The following GPC5 variants were observed in gnomAD, a reference collection of about 807,000 sequenced individuals.
GPC5 encodes the protein glypican 5.
In GPC5, 47 loss-of-function variants were observed where a neutral mutation model predicts 53.9. That is an observed-to-expected ratio of 0.87 (90% CI 0.69 to 1.11). The LOEUF (loss-of-function observed/expected upper bound fraction) is 1.11. Ranked by LOEUF, GPC5 falls within the 50% of genes most tolerant of loss-of-function variation. The pLI is 0.00. For missense variants in GPC5, 748 were observed against 713.1 expected, an observed-to-expected ratio of 1.05 and a Z score of -0.56; for synonymous variants, 286 against 263.3, an observed-to-expected ratio of 1.09 and a Z score of -0.84.
At chr13:91,786,766 T>C (rs1392573680) in intron 5 of GPC5, among the ~76,000 whole-genome samples, 2 of 152,202 alleles carry the variant, frequency 1.3e-5, no homozygotes, top group African/African-American at 4.8e-5. Context: ...CATTTGTTTT[T>C]ACATTTGATT....
At chr13:91,751,648 C>G (rs767349163) in intron 4 of GPC5, among the ~76,000 whole-genome samples, 1 of 152,166 alleles carries the variant, frequency 6.6e-6, no homozygotes, top group Non-Finnish European at 1.5e-5. Context: ...GTCCGATGAC[C>G]AAAGCCAACT....
intron 7 of GPC5, among the ~76,000 whole-genome samples, chr13:92,610,030 CAA>C (rs56913637): frequency 0.094 from 6,558 of 70,126 alleles, 217 homozygotes; most frequent in African/African-American, 0.29. Context: ...GACTCCATCT[CAA>C]AAAAAAAAAA....
intron 7 of GPC5, among the ~76,000 whole-genome samples, chr13:92,576,979 A>G (rs1258022906): frequency 6.6e-6 from 1 of 152,176 alleles, no homozygotes; most frequent in East Asian, 1.9e-4. Flanking sequence ...TAAAAAATTG[A>G]AGTGATGTAA....
At chr13:92,430,877 A>G (rs973974300) in intron 7 of GPC5, among the ~76,000 whole-genome samples, 3 of 152,030 alleles carry the variant, frequency 2.0e-5, no homozygotes, top group African/African-American at 7.2e-5. Flanking sequence ...AAAGCTTTAC[A>G]TTTGTTTTTT....
chr13:92,695,552 C>T (rs1887533419), intron 7 of GPC5, among the ~76,000 whole-genome samples: 2 of 151,884 alleles, frequency 1.3e-5, no homozygotes, highest in Non-Finnish European at 2.9e-5. Context: ...CTCTCCAATA[C>T]TATGCCCAGA....
intron 7 of GPC5, among the ~76,000 whole-genome samples, chr13:92,654,887 A>T (rs1393622453): frequency 2.0e-5 from 3 of 152,206 alleles, no homozygotes; most frequent in Non-Finnish European, 1.5e-5. Flanking sequence ...TGGATTGCTA[A>T]AGATCTGAAA....
intron 1 of GPC5, among the ~76,000 whole-genome samples, chr13:91,406,227 A>C (rs1379645738): frequency 6.6e-6 from 1 of 152,230 alleles, no homozygotes; most frequent in Non-Finnish European, 1.5e-5. Flanking sequence ...ATTGTTGAAT[A>C]ATTTAATAAA....
chr13:91,843,428 A>C (rs942140241), intron 5 of GPC5, among the ~76,000 whole-genome samples: 1 of 152,214 alleles, frequency 6.6e-6, no homozygotes, highest in Non-Finnish European at 1.5e-5. Context: ...GAAGAGGGAC[A>C]AACATGAACA....
At chr13:92,456,568 A>G (rs1878275873) in intron 7 of GPC5, among the ~76,000 whole-genome samples, 1 of 152,162 alleles carries the variant, frequency 6.6e-6, no homozygotes, top group Non-Finnish European at 1.5e-5. Flanking sequence ...GTTCAACACT[A>G]CTAAGAATTT....
intron 6 of GPC5, among the ~76,000 whole-genome samples, chr13:92,011,432 G>T (rs1227118459): frequency 6.6e-6 from 1 of 152,130 alleles, no homozygotes; most frequent in East Asian, 1.9e-4. Flanking sequence ...AAATATGATG[G>T]AACATAAATA....
At chr13:92,035,180 A>G (rs2138814543) in intron 6 of GPC5, among the ~76,000 whole-genome samples, 1 of 139,922 alleles carries the variant, frequency 7.1e-6, no homozygotes, top group African/African-American at 2.7e-5. Context: ...GCGCCACTAC[A>G]CTCCAGCCTG....
At chr13:92,062,924 C>T (rs1414340311) in intron 6 of GPC5, among the ~76,000 whole-genome samples, 3 of 152,000 alleles carry the variant, frequency 2.0e-5, no homozygotes, top group Admixed American at 1.3e-4. Context: ...GATCAAATCA[C>T]TGCCCTTGAA....
intron 6 of GPC5, among the ~76,000 whole-genome samples, chr13:91,943,418 G>T (rs1364037178): frequency 2.0e-5 from 3 of 151,978 alleles, no homozygotes; most frequent in Admixed American, 6.5e-5. Flanking sequence ...CATGGTTATG[G>T]AAGAGACGTT....
intron 7 of GPC5, among the ~76,000 whole-genome samples, chr13:92,233,297 G>A (rs979937301): frequency 2.6e-5 from 4 of 152,160 alleles, no homozygotes; most frequent in Non-Finnish European, 4.4e-5. Context: ...GCAATTAAAA[G>A]GTTTTGCCAT....
chr13:91,434,546 G>T (rs540101387), intron 1 of GPC5, among the ~76,000 whole-genome samples: 16 of 152,230 alleles, frequency 1.1e-4, no homozygotes, highest in Admixed American at 3.9e-4. Flanking sequence ...GCTCTGTTCT[G>T]TTCCATTGGT....
intron 6 of GPC5, among the ~76,000 whole-genome samples, chr13:92,081,258 T>A (rs1023642508): frequency 2.6e-5 from 4 of 152,034 alleles, no homozygotes; most frequent in African/African-American, 9.7e-5. Context: ...CGCAGCACCA[T>A]ACCTGGCTAA....
intron 2 of GPC5, among the ~76,000 whole-genome samples, chr13:91,542,692 TA>T (rs1428986977): frequency 3.3e-5 from 5 of 152,014 alleles, no homozygotes; most frequent in Non-Finnish European, 5.9e-5. Context: ...TTTATTTTTT[TA>T]TTTTTTTGAG....
intron 7 of GPC5, among the ~76,000 whole-genome samples, chr13:92,552,174 G>A (rs1333675): frequency 0.43 from 64,727 of 151,566 alleles, 14,497 homozygotes; most frequent in African/African-American, 0.56. Context: ...AGAGTGAAGG[G>A]AGAGAATAAT....
intron 6 of GPC5, among the ~76,000 whole-genome samples, chr13:92,128,850 C>A (rs963995280): frequency 2.0e-5 from 3 of 152,284 alleles, no homozygotes; most frequent in African/African-American, 7.2e-5. Flanking sequence ...GCAGTCCCAG[C>A]TATTCAGGAG....
Sources: allele counts gnomAD v4.1 joint callset (sites outside exome capture counted in the v4.1 genomes callset), GRCh38; gene constraint gnomAD v4.1.1; transcripts MANE v1.5; gene names NCBI Gene and HGNC (gene_info 2026-07-23, HGNC 2026-07-21).